The following ATP9A variants were observed in gnomAD, a reference collection of about 807,000 sequenced individuals.
The protein encoded by ATP9A is probable phospholipid-transporting ATPase IIA.
ATP9A carries 52 observed loss-of-function variants against 144.1 expected under a neutral mutation model. That is an observed-to-expected ratio of 0.36 (90% CI 0.29 to 0.45). The LOEUF (loss-of-function observed/expected upper bound fraction) is 0.45. Ranked by LOEUF, ATP9A falls within the 20% of genes least tolerant of loss-of-function variation. ATP9A has a pLI of 1.00. For synonymous variants in ATP9A, 582 were observed against 557.4 expected, an observed-to-expected ratio of 1.04 and a Z score of -0.62; for missense variants, 947 against 1,392.7, an observed-to-expected ratio of 0.68 and a Z score of 5.09.
intron 13 of ATP9A, among the ~76,000 whole-genome samples, chr20:51,661,922 T>C (rs1347442512): frequency 6.6e-6 from 1 of 152,212 alleles, no homozygotes; most frequent in Non-Finnish European, 1.5e-5. Flanking sequence ...TGTACCCATA[T>C]ATCATCATCA....
At chr20:51,757,679 C>A (rs1022531774) in intron 1 of ATP9A, among the ~76,000 whole-genome samples, 1 of 152,084 alleles carries the variant, frequency 6.6e-6, no homozygotes, top group East Asian at 1.9e-4. Context: ...CAGAGGTTGG[C>A]GGACTGCTTT....
intron 9 of ATP9A, among the ~76,000 whole-genome samples, chr20:51,683,768 A>T (rs1340992588): frequency 6.6e-6 from 1 of 152,168 alleles, no homozygotes; most frequent in Non-Finnish European, 1.5e-5. Context: ...GGGGCCAGAA[A>T]CACAGACTGG....
At chr20:51,716,566 T>C (rs796370134) in intron 3 of ATP9A, among the ~76,000 whole-genome samples, 4 of 151,366 alleles carry the variant, frequency 2.6e-5, no homozygotes, top group African/African-American at 9.7e-5. Flanking sequence ...GGCAGGAGGA[T>C]TGTCTGAGCC....
chr20:51,639,973 C>G (rs1345377913), intron 14 of ATP9A, among the ~76,000 whole-genome samples: 1 of 152,122 alleles, frequency 6.6e-6, no homozygotes, highest in Non-Finnish European at 1.5e-5. Context: ...GTAATCCCAG[C>G]TACCCAGGAG....
At chr20:51,606,819 G>A (rs918272090) in intron 26 of ATP9A, among the ~76,000 whole-genome samples, 8 of 151,880 alleles carry the variant, frequency 5.3e-5, no homozygotes, top group African/African-American at 1.7e-4. Flanking sequence ...TCGAGGCTAC[G>A]GCGAGCCGTG....
chr20:51,651,154 A>ATATATATATATATATATATG lies in ATP9A; in HGVS notation c.1506+5783_1506+5784insCATATATATATATATATATA, dbSNP rs1171807309. On this transcript the variant is annotated intron_variant, in intron 14 of 27. Coordinates refer to ENST00000338821, the MANE Select transcript of ATP9A (RefSeq NM_006045.3). The stretch of plus-strand genomic sequence containing the variant: ...GTACTGGTCCTCTCTCTCTCTCTCC[A>ATATATATATATATATATATG]TATATATATATACACACACACACAC... 9.7e-4 allele frequency among the ~76,000 whole-genome samples: 116 copies of ATATATATATATATATATATG among 119,602 alleles called. 4 individuals are homozygous for ATATATATATATATATATATG. The highest frequency in any genetic ancestry group is 1.9e-3 in the African/African-American group (64 of 32,928). 78.5% of individuals were successfully genotyped at this position (119,602 alleles called of 152,430 possible). A position where few individuals can be genotyped will look rare whatever the true frequency, so the allele number is the denominator to read the frequency against.
At chr20:51,638,921 T>C (rs1308547676) in intron 15 of ATP9A, among the ~76,000 whole-genome samples, 1 of 152,216 alleles carries the variant, frequency 6.6e-6, no homozygotes, top group African/African-American at 2.4e-5. Flanking sequence ...TCTTTTTTCA[T>C]CATTTTGATG....
chr20:51,754,948 A>G (rs1423784558), intron 1 of ATP9A, among the ~76,000 whole-genome samples: 1 of 140,062 alleles, frequency 7.1e-6, no homozygotes, highest in Non-Finnish European at 1.5e-5. Flanking sequence ...CATCCCTACT[A>G]AAAAAAAAAA....
chr20:51,634,991 C>T (rs1169769780), intron 15 of ATP9A, among the ~76,000 whole-genome samples: 1 of 149,990 alleles, frequency 6.7e-6, no homozygotes, highest in Non-Finnish European at 1.5e-5. Context: ...GCTCGCAATG[C>T]CCCCCACCTC....
rs1385171508 is a variant in ATP9A at position 51,610,179 on chromosome 20, AGAG to A, written c.2572-17_2572-15del. 1 of 1,598,644 alleles carries A rather than the reference AGAG, an allele frequency of 6.3e-7. No individual in the cohort carries two copies. ...GGAAAAGACAGCCTGTGCCAAGGAGAGAGGAGGATGTCACCAAAAGTCATGACA... is the reference window on the plus strand; with the variant it reads ...GGAAAAGACAGCCTGTGCCAAGGAGAGAGGATGTCACCAAAAGTCATGACA... On this transcript the variant is annotated splice_polypyrimidine_tract_variant and intron_variant, in intron 23 of 27. Transcript: ENST00000338821.
At chr20:51,708,310 G>T (rs1457923661) in intron 4 of ATP9A, among the ~76,000 whole-genome samples, 1 of 149,220 alleles carries the variant, frequency 6.7e-6, no homozygotes, top group Non-Finnish European at 1.5e-5. Flanking sequence ...AAAAAAAAAT[G>T]ATACACCTTG....
intron 26 of ATP9A, 81 bp downstream of exon 26, chr20:51,607,446 T>C: frequency 7.6e-7 from 1 of 1,311,964 alleles, no homozygotes. Flanking sequence ...GTTTCTTCTC[T>C]TCTTGTTCTA....
At chr20:51,753,110 A>AAAAG (rs767347937) in intron 1 of ATP9A, among the ~76,000 whole-genome samples, 6 of 152,238 alleles carry the variant, frequency 3.9e-5, no homozygotes, top group East Asian at 1.9e-4. Flanking sequence ...CTCAAAAAAA[A>AAAAG]AAAGAAAGAA....
chr20:51,630,915 A>T (rs1389549021), intron 15 of ATP9A, among the ~76,000 whole-genome samples: 1 of 152,048 alleles, frequency 6.6e-6, no homozygotes, highest in Non-Finnish European at 1.5e-5. Flanking sequence ...GGGCACGCGG[A>T]CCCTTTCCCT....
intron 13 of ATP9A, among the ~76,000 whole-genome samples, chr20:51,661,422 G>A (rs1040414544): frequency 6.6e-6 from 1 of 151,258 alleles, no homozygotes; most frequent in African/African-American, 2.4e-5. Flanking sequence ...GGAGTGAAGA[G>A]GCATGATCAC....
chr20:51,641,831 C>CA (rs1218133688), intron 14 of ATP9A, among the ~76,000 whole-genome samples: 23,536 of 79,596 alleles, frequency 0.3, 3,757 homozygotes, highest in Non-Finnish European at 0.34. Flanking sequence ...AACTCCATCT[C>CA]AAAAAAAAAA....
At chr20:51,639,167 G>A (rs369545282) in intron 15 of ATP9A, among the ~76,000 whole-genome samples, 176 bp downstream of exon 15, 43 of 152,126 alleles carry the variant, frequency 2.8e-4, no homozygotes, top group Non-Finnish European at 5.1e-4. Context: ...TCAGAGTTAC[G>A]GGGTGTGTCC....
intron 3 of ATP9A, among the ~76,000 whole-genome samples, chr20:51,716,903 G>A (rs954745380): frequency 2.6e-5 from 4 of 152,170 alleles, no homozygotes; most frequent in South Asian, 2.1e-4. Flanking sequence ...GTCAGCTGTC[G>A]TGGCTCACAC....
chr20:51,732,343 G>A (rs2077745613), intron 1 of ATP9A: 1 of 152,526 alleles, frequency 6.6e-6, no homozygotes, highest in Non-Finnish European at 1.5e-5. Context: ...AGCCCCCTGG[G>A]ATGTCGCCAG....
Sources: allele counts gnomAD v4.1 joint callset (sites outside exome capture counted in the v4.1 genomes callset), GRCh38; gene constraint gnomAD v4.1.1; transcripts MANE v1.5; gene names NCBI Gene and HGNC (gene_info 2026-07-23, HGNC 2026-07-21).